ERBB4: variants seen among roughly 807,000 people sequenced by gnomAD.
ERBB4 encodes the protein receptor tyrosine-protein kinase erbB-4.
A neutral mutation model predicts 158.0 loss-of-function variants in ERBB4; 42 were observed. The observed-to-expected ratio is 0.27, with a 90% confidence interval of 0.21 to 0.34. The LOEUF (loss-of-function observed/expected upper bound fraction) is 0.34, where lower values mean the gene tolerates loss of function less well. ERBB4 is among the 10% of genes least tolerant of loss of function. ERBB4 has a pLI of 1.00. For synonymous variants in ERBB4, 583 were observed against 558.7 expected, an observed-to-expected ratio of 1.04 and a Z score of -0.61; for missense variants, 1,333 against 1,624.1, an observed-to-expected ratio of 0.82 and a Z score of 3.08.
rs62180137 is a variant in ERBB4, at chr2:211,387,442, C to T, written c.3184-292G>A. On this transcript the variant is annotated intron_variant, in intron 26 of 27. Coordinates refer to ENST00000342788, the MANE Select transcript of ERBB4 (RefSeq NM_005235.3). Reference sequence around the variant, plus strand: ...ATTTGATGCCCTTTTCCCACAAGTGCCTATATTTAATACAAATTTCAAAGT... The same window carrying T: ...ATTTGATGCCCTTTTCCCACAAGTGTCTATATTTAATACAAATTTCAAAGT... 0.041 allele frequency among the ~76,000 whole-genome samples: 6,275 copies of T among 152,178 alleles called. 192 individuals are homozygous for T. The highest frequency in any genetic ancestry group is 0.075 in the South Asian group (362 of 4,824).
At chr2:212,439,208 C>T (rs1375989913) in intron 1 of ERBB4, among the ~76,000 whole-genome samples, 1 of 152,092 alleles carries the variant, frequency 6.6e-6, no homozygotes, top group Non-Finnish European at 1.5e-5. Context: ...GAGGCCAGAA[C>T]ACGTAAAAGA....
At chr2:212,308,115 T>C (rs1050795378) in intron 1 of ERBB4, among the ~76,000 whole-genome samples, 3 of 151,060 alleles carry the variant, frequency 2.0e-5, no homozygotes, top group Non-Finnish European at 4.5e-5. Flanking sequence ...ATGAGAGTTG[T>C]CTAATAAAAA....
At chr2:211,391,547 TAAGGGTG>T (rs1254110992) in intron 25 of ERBB4, among the ~76,000 whole-genome samples, 2 of 152,082 alleles carry the variant, frequency 1.3e-5, no homozygotes, top group Non-Finnish European at 2.9e-5. Flanking sequence ...GGGGGGTTTG[TAAGGGTG>T]ATGGATGGAA....
chr2:211,714,693 T>C (rs764117322), intron 7 of ERBB4, among the ~76,000 whole-genome samples: 26 of 152,220 alleles, frequency 1.7e-4, no homozygotes, highest in Admixed American at 1.2e-3. Context: ...TTCTGGGTCC[T>C]GGTAGAGATG....
chr2:212,273,583 A>G (rs2085418594), intron 1 of ERBB4, among the ~76,000 whole-genome samples: 1 of 151,836 alleles, frequency 6.6e-6, no homozygotes, highest in Non-Finnish European at 1.5e-5. Context: ...TCATATTTTA[A>G]AGATGAAGAA....
intron 20 of ERBB4, among the ~76,000 whole-genome samples, chr2:211,528,130 A>T (rs539088392): frequency 7.9e-5 from 12 of 152,098 alleles, no homozygotes; most frequent in African/African-American, 1.2e-4. Context: ...ACCTATAAAG[A>T]CACACACAGA....
At chr2:212,062,345 G>T (rs1186952383) in intron 2 of ERBB4, among the ~76,000 whole-genome samples, 2 of 147,724 alleles carry the variant, frequency 1.4e-5, no homozygotes, top group Admixed American at 1.4e-4. Flanking sequence ...TGTGCTGACT[G>T]CAGTCTCACT....
chr2:212,233,342 T>C (rs1231343500), intron 1 of ERBB4, among the ~76,000 whole-genome samples: 2 of 152,140 alleles, frequency 1.3e-5, no homozygotes, highest in Non-Finnish European at 2.9e-5. Flanking sequence ...AAAATTTCAT[T>C]TGAAATAACT....
intron 16 of ERBB4, among the ~76,000 whole-genome samples, chr2:211,632,378 G>C (rs895536511): frequency 2.6e-5 from 4 of 152,022 alleles, no homozygotes; most frequent in Non-Finnish European, 5.9e-5. Context: ...TCCCTGAAAA[G>C]TCACTGTTAT....
chr2:211,849,384 T>A (rs2077664307), intron 3 of ERBB4, among the ~76,000 whole-genome samples: 1 of 152,022 alleles, frequency 6.6e-6, no homozygotes, highest in African/African-American at 2.4e-5. Context: ...ATTTGAAGTT[T>A]GAAATATAAT....
chr2:211,468,271 A>C (rs1161379888), intron 20 of ERBB4, among the ~76,000 whole-genome samples: 2 of 152,160 alleles, frequency 1.3e-5, no homozygotes, highest in African/African-American at 4.8e-5. Context: ...CACAAACCAG[A>C]ATATTTAACA....
At chr2:211,848,962 A>T (rs1461407764) in intron 3 of ERBB4, among the ~76,000 whole-genome samples, 1 of 152,090 alleles carries the variant, frequency 6.6e-6, no homozygotes, top group Non-Finnish European at 1.5e-5. Context: ...TGAGCAAACT[A>T]CATACAAAAT....
chr2:211,816,915 C>T (rs895900905), intron 3 of ERBB4, among the ~76,000 whole-genome samples: 47 of 152,128 alleles, frequency 3.1e-4, no homozygotes, highest in African/African-American at 1.1e-3. Flanking sequence ...TTCTAGATGA[C>T]ATGTAAAACT....
rs1190525779 is a variant in ERBB4 at position 211,945,839 on chromosome 2, A to C, written c.421+1591T>G. Among the ~76,000 whole-genome samples, 3 of 152,100 alleles carry C rather than the reference A, an allele frequency of 2.0e-5. No homozygotes were observed. In the East Asian group the frequency reaches 5.8e-4, roughly 29 times the overall value. On this transcript the variant is annotated intron_variant, in intron 3 of 27. Coordinates refer to ENST00000342788, the MANE Select transcript of ERBB4 (RefSeq NM_005235.3). ...ATTTCTCAAACAGCACATCTTATGGAATAATAACAAGATTCCAGTATTATA... is the reference window on the plus strand; with the variant it reads ...ATTTCTCAAACAGCACATCTTATGGCATAATAACAAGATTCCAGTATTATA...
chr2:211,766,244 T>A (rs2075547709), intron 4 of ERBB4, among the ~76,000 whole-genome samples: 1 of 152,224 alleles, frequency 6.6e-6, no homozygotes, highest in African/African-American at 2.4e-5. Context: ...TGCATACAGC[T>A]GCTTGCAACA....
intron 4 of ERBB4, among the ~76,000 whole-genome samples, chr2:211,765,248 T>G (rs2075523776): frequency 6.6e-6 from 1 of 152,272 alleles, no homozygotes; most frequent in Middle Eastern, 3.4e-3. Context: ...CTAGGCTACC[T>G]TTCAAAGCAA....
At chr2:212,438,594 A>C (rs2092187500) in intron 1 of ERBB4, among the ~76,000 whole-genome samples, 1 of 152,186 alleles carries the variant, frequency 6.6e-6, no homozygotes, top group Non-Finnish European at 1.5e-5. Flanking sequence ...TACAAGTTAA[A>C]TTCCTAATAA....
chr2:211,591,723 A>G (rs2068471410), intron 19 of ERBB4, among the ~76,000 whole-genome samples: 1 of 152,210 alleles, frequency 6.6e-6, no homozygotes, highest in Non-Finnish European at 1.5e-5. Context: ...GTGTATGTTA[A>G]CACCTGACAC....
intron 1 of ERBB4, among the ~76,000 whole-genome samples, chr2:212,260,966 A>G (rs765747607): frequency 3.3e-5 from 5 of 152,156 alleles, no homozygotes; most frequent in Non-Finnish European, 5.9e-5. Flanking sequence ...TGAGTAAAGT[A>G]TGTATTACAG....
Sources: allele counts gnomAD v4.1 joint callset (sites outside exome capture counted in the v4.1 genomes callset), GRCh38; gene constraint gnomAD v4.1.1; transcripts MANE v1.5; gene names NCBI Gene and HGNC (gene_info 2026-07-23, HGNC 2026-07-21).